The following LDB3 variants were observed in gnomAD, a reference collection of about 807,000 sequenced individuals.
LDB3 encodes the protein LIM domain binding 3, also known as LIM domain-binding protein 3.
A neutral mutation model predicts 69.0 loss-of-function variants in LDB3; 49 were observed. That is an observed-to-expected ratio of 0.71 (90% CI 0.56 to 0.90). The LOEUF (loss-of-function observed/expected upper bound fraction) is 0.90. LDB3 is among the 40% of genes least tolerant of loss of function. The probability of loss-of-function intolerance (pLI) is 0.00; values close to 1 mark genes in which losing one functional copy is unlikely to be tolerated. For synonymous variants in LDB3, 387 were observed against 396.2 expected (o/e 0.98, Z 0.28); for missense variants, 928 against 974.1 (o/e 0.95, Z 0.63).
intron 2 of LDB3, among the ~76,000 whole-genome samples, chr10:86,674,085 C>T (rs1844637861): frequency 6.6e-6 from 1 of 152,174 alleles, no homozygotes; most frequent in African/African-American, 2.4e-5. Context: ...CCACCCTCTG[C>T]CAGCTGTGGA....
intron 13 of LDB3, among the ~76,000 whole-genome samples, chr10:86,729,649 G>A (rs1206085815): frequency 6.6e-6 from 1 of 152,134 alleles, no homozygotes; most frequent in East Asian, 1.9e-4. Flanking sequence ...TGTGCTGGGT[G>A]GGCAGAAGGC....
intron 7 of LDB3, 133 bp downstream of exon 7, chr10:86,692,704 T>C: frequency 3.6e-6 from 3 of 827,834 alleles, no homozygotes; most frequent in South Asian, 2.8e-5. Context: ...TGCAAAGGGC[T>C]CCAGCTGACA....
rs201063130 is a variant in LDB3, at chr10:86,718,831, G to T, written c.1962G>T (p.Glu654Asp). 6.2e-7 allele frequency: 1 copy of T among 1,614,006 alleles called. No individual in the cohort carries two copies. The highest frequency in any genetic ancestry group is 8.5e-7 in the Non-Finnish European group (1 of 1,180,028). Residue 654 changes from glutamate (E) to aspartate (D), a missense_variant, in exon 12 of 14, where the codon GAG (glutamate) becomes GAT (aspartate). Physicochemically the swap from Glu to Asp is conservative, Grantham distance 45 (BLOSUM62 2). Transcript: ENST00000361373. ...GCCTCTTCCACATGGAAGACGGGGA[G>T]CCCTACTGCGAGAAAGGTAGGAACA... ...GNSLFHMEDG[E>D]PYCEKDYINL... is the part of the protein sequence containing the mutation.
chr10:86,693,530 T>G (rs1188569724), intron 7 of LDB3, among the ~76,000 whole-genome samples: 2 of 152,194 alleles, frequency 1.3e-5, no homozygotes, highest in African/African-American at 4.8e-5. Context: ...AGCTTAGACT[T>G]GTGGATTTTA....
chr10:86,710,225 A>T, intron 9 of LDB3, 175 bp downstream of exon 9: 1 of 985,392 alleles, frequency 1.0e-6, no homozygotes, highest in African/African-American at 1.7e-5. Flanking sequence ...TGGAGCCTGC[A>T]TCTGGTCTGG....
chr10:86,723,998 C>T (rs191913993), intron 12 of LDB3, among the ~76,000 whole-genome samples: 1 of 152,326 alleles, frequency 6.6e-6, no homozygotes, highest in Non-Finnish European at 1.5e-5. Flanking sequence ...CCTCTCCAGT[C>T]AGTTTCCTCC....
chr10:86,667,015 G>A (rs1399173580), upstream of LDB3, among the ~76,000 whole-genome samples: 1 of 152,204 alleles, frequency 6.6e-6, no homozygotes, highest in Admixed American at 6.5e-5. Context: ...TTTGCAGAGA[G>A]GGATAGGGAA....
chr10:86,707,831 C>T (rs759157154), intron 8 of LDB3, among the ~76,000 whole-genome samples: 5 of 152,200 alleles, frequency 3.3e-5, no homozygotes, highest in African/African-American at 1.2e-4. Context: ...GAAGGAGGAG[C>T]CTGGCCCTCC....
At chr10:86,714,648 T>G (rs1244926601) in intron 9 of LDB3, among the ~76,000 whole-genome samples, 1 of 150,202 alleles carries the variant, frequency 6.7e-6, no homozygotes, top group Non-Finnish European at 1.5e-5. Context: ...CTCCGCCTCC[T>G]GGGTTCACGC....
At chr10:86,730,505 T>G (rs753388745) in intron 13 of LDB3, among the ~76,000 whole-genome samples, 2 of 152,168 alleles carry the variant, frequency 1.3e-5, no homozygotes, top group Non-Finnish European at 2.9e-5. Flanking sequence ...TACAAACCCA[T>G]GAACCCAGAT....
intron 9 of LDB3, among the ~76,000 whole-genome samples, chr10:86,715,621 A>G (rs1023010213): frequency 1.3e-5 from 2 of 152,140 alleles, no homozygotes; most frequent in African/African-American, 4.8e-5. Flanking sequence ...GTGGGAGTAC[A>G]GGGGTCCCCC....
At chr10:86,721,273 C>T (rs4934254) in intron 12 of LDB3, among the ~76,000 whole-genome samples, 45,970 of 152,026 alleles carry the variant, frequency 0.3, 7,431 homozygotes, top group East Asian at 0.6. Context: ...GCTATCCTAA[C>T]GGGTATGAGG....
At chr10:86,702,500 T>C (rs1846298795) in intron 7 of LDB3, among the ~76,000 whole-genome samples, 2 of 152,222 alleles carry the variant, frequency 1.3e-5, no homozygotes, top group Admixed American at 6.5e-5. Context: ...AAGGGGACGA[T>C]GGTCAGGCTG....
intron 7 of LDB3, among the ~76,000 whole-genome samples, chr10:86,701,250 G>C (rs1214213360): frequency 6.6e-6 from 1 of 152,212 alleles, no homozygotes; most frequent in Non-Finnish European, 1.5e-5. Flanking sequence ...AGGCCCAAGG[G>C]TGGGTTGGGG....
intron 7 of LDB3, among the ~76,000 whole-genome samples, chr10:86,694,464 T>C (rs1337867351): frequency 6.6e-6 from 1 of 152,136 alleles, no homozygotes; most frequent in East Asian, 1.9e-4. Flanking sequence ...TGGCTCCAGT[T>C]AGCTTCCTCC....
chr10:86,709,973 G>C lies in LDB3; in HGVS notation c.1154G>C (p.Ser385Thr). 1 of 1,613,094 alleles carries C rather than the reference G, an allele frequency of 6.2e-7. No individual in the cohort carries two copies. Among genetic ancestry groups the C allele is most frequent in the Non-Finnish European group, 8.5e-7 (1 of 1,180,006 alleles). Residue 385 changes from serine (S) to threonine (T), a missense_variant, in exon 9 of 14, where the codon AGT becomes ACT. Coordinates refer to ENST00000361373, the MANE Select transcript of LDB3 (RefSeq NM_007078.3). ...GCACCTGCCACCCACACCAGCTACA[G>C]TGAGGGCCCCGCCGCCCCTGCACCC... Reference protein sequence around the residue: ...SSAPATHTSYSEGPAAPAPKP... With the variant: ...SSAPATHTSYTEGPAAPAPKP...
At chr10:86,712,577 G>C (rs1846708918) in intron 9 of LDB3, among the ~76,000 whole-genome samples, 2 of 152,112 alleles carry the variant, frequency 1.3e-5, no homozygotes, top group Admixed American at 6.5e-5. Flanking sequence ...TCTGTAAAAT[G>C]GACTTGCAAA....
chr10:86,702,643 G>C (rs1319308106), intron 7 of LDB3, among the ~76,000 whole-genome samples: 1 of 152,222 alleles, frequency 6.6e-6, no homozygotes, highest in African/African-American at 2.4e-5. Context: ...CCTTAGATCA[G>C]GATGGGGTGA....
chr10:86,733,300 G>A lies in LDB3; in HGVS notation c.*324G>A, dbSNP rs944381728. The A allele has an allele frequency of 2.8e-6, 1 of 360,104 alleles. No homozygotes were observed. Among genetic ancestry groups the A allele is most frequent in the Non-Finnish European group, 5.4e-6 (1 of 185,526 alleles). 22.3% of individuals were successfully genotyped at this position (360,104 alleles called of 1,614,324 possible). A position where few individuals can be genotyped will look rare whatever the true frequency, so the allele number is the denominator to read the frequency against. On this transcript the variant is annotated 3_prime_UTR_variant, in exon 14 of 14. Transcript: ENST00000361373. ...TTCCCAAAGCGATACACTTGCTTTG[G>A]TCACCAGAGGAGGACAGAGCTTAGA...
Sources: gnomAD v4.1 joint callset for allele counts (sites outside exome capture counted in the v4.1 genomes callset) on GRCh38, gnomAD v4.1.1 for gene constraint, MANE v1.5 for transcripts, NCBI Gene and HGNC (gene_info 2026-07-23, HGNC 2026-07-21) for gene names.